Variants in TJP2 observed in about 807,000 individuals in gnomAD.
TJP2 encodes the protein Friedreich ataxia region gene X104 (tight junction protein ZO-2).
A neutral mutation model predicts 133.1 loss-of-function variants in TJP2; 91 were observed. The observed-to-expected ratio is 0.68, with a 90% CI of 0.58 to 0.81. The LOEUF (loss-of-function observed/expected upper bound fraction) is 0.81. TJP2 is among the 40% of genes least tolerant of loss of function. The pLI is 0.00. For missense variants in TJP2, 1,541 were observed against 1,565.6 expected, an observed-to-expected ratio of 0.98 and a Z score of 0.26; for synonymous variants, 592 against 583.4, an observed-to-expected ratio of 1.01 and a Z score of -0.21.
At chr9:69,159,026 C>T (rs1005757645) in intron 2 of TJP2, among the ~76,000 whole-genome samples, 2 of 151,928 alleles carry the variant, frequency 1.3e-5, no homozygotes, top group African/African-American at 2.4e-5. Context: ...AAAAATATGC[C>T]GGGCACGGTG....
At chr9:69,204,964 T>C (rs565734334) in intron 1 of TJP2, 2 of 1,305,150 alleles carry the variant, frequency 1.5e-6, no homozygotes, top group East Asian at 2.9e-5. Flanking sequence ...AACTGCTTTC[T>C]TTTTTGCTCA....
chr9:69,156,822 A>G (rs1823794757), intron 2 of TJP2, among the ~76,000 whole-genome samples: 1 of 152,088 alleles, frequency 6.6e-6, no homozygotes, highest in Admixed American at 6.5e-5. Flanking sequence ...CCCGGCCAAT[A>G]CATGTAAGAT....
intron 3 of TJP2, 31 bp downstream of exon 3, chr9:69,216,494 A>C (rs368356204): frequency 1.2e-6 from 2 of 1,613,316 alleles, no homozygotes; most frequent in Non-Finnish European, 8.5e-7. Context: ...CGCAGCCCCT[A>C]CCAGCCCTAC....
At chr9:69,152,828 T>C (rs1382526470) in intron 2 of TJP2, among the ~76,000 whole-genome samples, 1 of 119,766 alleles carries the variant, frequency 8.3e-6, no homozygotes, top group Non-Finnish European at 1.6e-5. Context: ...TTTTTTTTTT[T>C]TTTTTTTTTT....
At position 69,185,192 on chromosome 9, in the gene TJP2, G is replaced by C. The variant is rs974492366; in HGVS notation, c.60+10760G>C. On this transcript the variant is annotated intron_variant, in intron 1 of 22. Coordinates refer to ENST00000377245, the MANE Select transcript of TJP2 (RefSeq NM_004817.4). ...TTCTCCTGCCTCAGCCTCCCGAGTA[G>C]CTGGGATTACAGGTGGGTGCCACCA... Among the ~76,000 whole-genome samples, 5 of 152,000 alleles carry C rather than the reference G, an allele frequency of 3.3e-5. No homozygotes were observed. In the East Asian group the frequency reaches 5.8e-4, roughly 18 times the overall value.
chr9:69,214,688 G>A (rs1828215479), intron 2 of TJP2, among the ~76,000 whole-genome samples: 1 of 152,012 alleles, frequency 6.6e-6, no homozygotes, highest in Admixed American at 6.6e-5. Context: ...CCAACATGGT[G>A]AAACCCTCCC....
chr9:69,171,819 C>T (rs1350511762), upstream of TJP2, among the ~76,000 whole-genome samples: 6 of 70,096 alleles, frequency 8.6e-5, no homozygotes, highest in East Asian at 4.9e-4. Context: ...TTTTTTGAGA[C>T]GGAATCTCGC....
chr9:69,224,554 G>A (rs563930363), intron 5 of TJP2, among the ~76,000 whole-genome samples: 3 of 152,234 alleles, frequency 2.0e-5, no homozygotes, highest in South Asian at 4.1e-4. Flanking sequence ...GTGGGCACCT[G>A]TAATCCCAGC....
intron 1 of TJP2, among the ~76,000 whole-genome samples, chr9:69,188,693 T>C (rs1185505613): frequency 6.6e-6 from 1 of 152,212 alleles, no homozygotes; most frequent in Admixed American, 6.5e-5. Context: ...AAGTTGCCTC[T>C]AAGACACAGC....
At chr9:69,238,406 G>T (rs935623550) in intron 15 of TJP2, among the ~76,000 whole-genome samples, 1 of 151,978 alleles carries the variant, frequency 6.6e-6, no homozygotes, top group Non-Finnish European at 1.5e-5. Flanking sequence ...CATGACATTT[G>T]ATTTTTATGT....
intron 1 of TJP2, among the ~76,000 whole-genome samples, chr9:69,187,363 C>T (rs146522041): frequency 1.6e-4 from 25 of 152,286 alleles, no homozygotes; most frequent in African/African-American, 5.5e-4. Flanking sequence ...CATACCACTC[C>T]AGACTGTTAC....
At position 69,254,718 on chromosome 9, in the gene TJP2, T is replaced by C. The variant is rs1430925758; in HGVS notation, c.*344T>C. On this transcript the variant is annotated 3_prime_UTR_variant, in exon 23 of 23. Transcript: ENST00000377245. Reference sequence around the variant, plus strand: ...AGCAATAACTATTTTTCCTCATTAATAGCTGCCTTCAAGGACTGTTTCAGT... The same window carrying C: ...AGCAATAACTATTTTTCCTCATTAACAGCTGCCTTCAAGGACTGTTTCAGT... The C allele has an allele frequency of 7.1e-6, 4 of 561,362 alleles. No individual in the cohort carries two copies. In the Admixed American group the frequency reaches 9.6e-5, roughly 14 times the overall value. 34.8% of individuals were successfully genotyped at this position (561,362 alleles called of 1,614,324 possible). A position where few individuals can be genotyped will look rare whatever the true frequency, so the allele number is the denominator to read the frequency against.
At chr9:69,184,475 T>C (rs1047093195) in intron 1 of TJP2, among the ~76,000 whole-genome samples, 6 of 152,328 alleles carry the variant, frequency 3.9e-5, no homozygotes, top group African/African-American at 1.4e-4. Context: ...CTGCTACTGC[T>C]GCTGTCTGTA....
Position 69,221,171 on chromosome 9 carries a change from T to C in TJP2, c.627T>C (p.His209=). Residue 209 remains histidine, a synonymous_variant, in exon 5 of 23, where the codon CAT becomes CAC. Coordinates refer to ENST00000377245, the MANE Select transcript of TJP2 (RefSeq NM_004817.4). ...TGGAGCGGGGCCTGGACCAAGACCA[T>C]GCGCGCACCCGAGACCGCAGCCGTG... The part of the protein sequence containing the change: ...RSLERGLDQD[H]ARTRDRSRGR... The C allele has an allele frequency of 6.3e-7, 1 of 1,596,648 alleles. No individual in the cohort carries two copies. The highest frequency in any genetic ancestry group is 1.3e-5 in the African/African-American group (1 of 74,202).
chr9:69,159,573 A>C (rs1823953731), intron 2 of TJP2, among the ~76,000 whole-genome samples: 1 of 152,162 alleles, frequency 6.6e-6, no homozygotes, highest in Non-Finnish European at 1.5e-5. Flanking sequence ...GCTTTAGCTC[A>C]GCAGAATAAA....
At chr9:69,198,439 G>A (rs955151346) in intron 1 of TJP2, among the ~76,000 whole-genome samples, 1 of 152,200 alleles carries the variant, frequency 6.6e-6, no homozygotes, top group Non-Finnish European at 1.5e-5. Flanking sequence ...ACCATGCCCG[G>A]CCACCTTTCT....
chr9:69,137,326 T>C (rs1822818227), intron 1 of TJP2, among the ~76,000 whole-genome samples: 1 of 134,894 alleles, frequency 7.4e-6, no homozygotes, highest in Admixed American at 7.5e-5. Context: ...TTTCTTTTCT[T>C]TTCTTTTTTT....
At chr9:69,229,271 T>C (rs760618860) in intron 10 of TJP2, 21 bp downstream of exon 10, 144 of 1,606,604 alleles carry the variant, frequency 9.0e-5, no homozygotes, top group Non-Finnish European at 1.2e-4. Context: ...CCGTCTCTCT[T>C]TGTTTTCCCT....
intron 1 of TJP2, among the ~76,000 whole-genome samples, chr9:69,210,182 G>A (rs1827761041): frequency 6.6e-6 from 1 of 151,390 alleles, no homozygotes; most frequent in Admixed American, 6.6e-5. Context: ...CCAGCTACTC[G>A]GGAGGCTGAG....
Sources: allele counts gnomAD v4.1 joint callset (sites outside exome capture counted in the v4.1 genomes callset), GRCh38; gene constraint gnomAD v4.1.1; transcripts MANE v1.5; gene names NCBI Gene and HGNC (gene_info 2026-07-23, HGNC 2026-07-21).